The following ATP2B2 variants were observed in gnomAD, a reference collection of about 807,000 sequenced individuals.
ATP2B2 encodes the protein ATPase plasma membrane Ca2+ transporting 2, also known as plasma membrane calcium-transporting ATPase 2.
A neutral mutation model predicts 120.0 loss-of-function variants in ATP2B2; 15 were observed. The observed-to-expected ratio is 0.12, with a 90% CI of 0.08 to 0.19. ATP2B2 has a LOEUF of 0.19. ATP2B2 is among the 10% of genes least tolerant of loss of function. The probability of loss-of-function intolerance (pLI) is 1.00; values close to 1 mark genes in which losing one functional copy is unlikely to be tolerated. For synonymous variants in ATP2B2, 694 were observed against 700.3 expected, an observed-to-expected ratio of 0.99 and a Z score of 0.14; for missense variants, 1,045 against 1,719.8, an observed-to-expected ratio of 0.61 and a Z score of 6.94.
chr3:10,445,775 C>T (rs1010519396), intron 2 of ATP2B2, among the ~76,000 whole-genome samples: 8 of 152,330 alleles, frequency 5.3e-5, no homozygotes, highest in East Asian at 1.9e-4. Flanking sequence ...GCTCCCTACT[C>T]GTCAGCAGAT....
chr3:10,360,009 G>C lies in ATP2B2; in HGVS notation c.1774C>G (p.Pro592Ala), dbSNP rs1165102345. ...QDYEPVRSQM[P>A]EEKLYKVYTF... Reference sequence around the variant, plus strand: ...TACACTTTGTACAACTTCTCCTCTGGCATCTGGCTGCGCACGGGCTCGTAG... The same window carrying C: ...TACACTTTGTACAACTTCTCCTCTGCCATCTGGCTGCGCACGGGCTCGTAG... Residue 592 changes from proline to alanine, a missense_variant, in exon 13 of 23, where the codon CCA becomes GCA. Coordinates refer to ENST00000360273, the MANE Select transcript of ATP2B2 (RefSeq NM_001001331.4). The C allele has an allele frequency of 1.9e-6, 3 of 1,614,112 alleles. No individual in the cohort carries two copies. Among genetic ancestry groups the C allele is most frequent in the East Asian group, 2.2e-5 (1 of 44,892 alleles).
At chr3:10,468,530 G>A (rs575891186) in intron 1 of ATP2B2, among the ~76,000 whole-genome samples, 41 of 152,356 alleles carry the variant, frequency 2.7e-4, no homozygotes, top group African/African-American at 9.6e-4. Flanking sequence ...CTACAGCACT[G>A]TTATCTTGCT....
At chr3:10,568,458 T>C (rs911124794) in intron 2 of ATP2B2, among the ~76,000 whole-genome samples, 1 of 152,202 alleles carries the variant, frequency 6.6e-6, no homozygotes, top group Non-Finnish European at 1.5e-5. Context: ...CTCCTGAACA[T>C]GAGGCCCAGC....
At chr3:10,533,357 G>C (rs1406327446) in intron 3 of ATP2B2, among the ~76,000 whole-genome samples, 1 of 152,192 alleles carries the variant, frequency 6.6e-6, no homozygotes, top group Non-Finnish European at 1.5e-5. Context: ...TATTTAATGA[G>C]CACCTACTAT....
At chr3:10,363,979 A>G (rs934722738) in intron 12 of ATP2B2, among the ~76,000 whole-genome samples, 1 of 152,254 alleles carries the variant, frequency 6.6e-6, no homozygotes, top group Non-Finnish European at 1.5e-5. Flanking sequence ...GACACAACCA[A>G]CGTGTCCATC....
At chr3:10,622,418 A>T (rs2125626091) in intron 1 of ATP2B2, among the ~76,000 whole-genome samples, 1 of 152,150 alleles carries the variant, frequency 6.6e-6, no homozygotes, top group Non-Finnish European at 1.5e-5. Context: ...GCAGCCATGA[A>T]CTCTGCATCC....
intron 1 of ATP2B2, among the ~76,000 whole-genome samples, chr3:10,639,062 G>A (rs1204244369): frequency 6.6e-6 from 1 of 152,070 alleles, no homozygotes; most frequent in Non-Finnish European, 1.5e-5. Context: ...GAACTATTGG[G>A]GTAAACGTTT....
intron 3 of ATP2B2, among the ~76,000 whole-genome samples, chr3:10,530,170 G>A (rs2067180810): frequency 1.3e-5 from 2 of 152,212 alleles, no homozygotes; most frequent in Non-Finnish European, 2.9e-5. Flanking sequence ...AAAGGCGCCT[G>A]AGGTCCTCAC....
intron 2 of ATP2B2, among the ~76,000 whole-genome samples, chr3:10,560,359 T>G (rs2067875282): frequency 6.6e-6 from 1 of 151,922 alleles, no homozygotes; most frequent in Non-Finnish European, 1.5e-5. Context: ...TCCTGGGAGG[T>G]GCGGCCAACC....
intron 2 of ATP2B2, among the ~76,000 whole-genome samples, chr3:10,537,447 T>C (rs2067343370): frequency 6.6e-6 from 1 of 152,208 alleles, no homozygotes; most frequent in Non-Finnish European, 1.5e-5. Context: ...TTTTGAGTGA[T>C]TGTAAATGGC....
At chr3:10,359,350 C>A (rs2060830817) in intron 13 of ATP2B2, among the ~76,000 whole-genome samples, 1 of 152,124 alleles carries the variant, frequency 6.6e-6, no homozygotes. Context: ...AAACACTCCT[C>A]AGAGTGATTC....
chr3:10,649,592 A>C (rs140063059), intron 1 of ATP2B2, among the ~76,000 whole-genome samples: 1 of 152,252 alleles, frequency 6.6e-6, no homozygotes, highest in Non-Finnish European at 1.5e-5. Context: ...TCAGCTCAGG[A>C]AGGGAGGGGA....
intron 2 of ATP2B2, among the ~76,000 whole-genome samples, chr3:10,582,889 C>A (rs2068424198): frequency 6.6e-6 from 1 of 152,256 alleles, no homozygotes; most frequent in South Asian, 2.1e-4. Flanking sequence ...CATCTACCAG[C>A]AGCATAGATT....
intron 2 of ATP2B2, among the ~76,000 whole-genome samples, chr3:10,421,158 G>C (rs929368693): frequency 5.9e-5 from 9 of 152,322 alleles, no homozygotes; most frequent in Admixed American, 2.0e-4. Flanking sequence ...GCCTGAGGGA[G>C]GAGGGTGAGG....
chr3:10,492,465 G>A (rs561318104), intron 1 of ATP2B2, among the ~76,000 whole-genome samples: 126 of 152,272 alleles, frequency 8.3e-4, no homozygotes, highest in African/African-American at 2.8e-3. Flanking sequence ...TTCCTCCCTT[G>A]GAGACTCTTT....
At chr3:10,606,984 A>C (rs866355775) in intron 2 of ATP2B2, among the ~76,000 whole-genome samples, 1 of 142,176 alleles carries the variant, frequency 7.0e-6, no homozygotes, top group African/African-American at 2.7e-5. Flanking sequence ...GAGAGAAAGA[A>C]AGAGAGAGAG....
intron 8 of ATP2B2, among the ~76,000 whole-genome samples, chr3:10,381,864 T>C (rs1473761162): frequency 6.6e-6 from 1 of 152,146 alleles, no homozygotes; most frequent in African/African-American, 2.4e-5. Flanking sequence ...ATTGGGAGGA[T>C]TCCTGGTAAG....
At chr3:10,646,971 C>T (rs1377010634) in intron 1 of ATP2B2, among the ~76,000 whole-genome samples, 2 of 152,096 alleles carry the variant, frequency 1.3e-5, no homozygotes, top group Non-Finnish European at 2.9e-5. Context: ...CAGAGGTTGG[C>T]ACAGCAGGAT....
intron 22 of ATP2B2, among the ~76,000 whole-genome samples, chr3:10,333,232 G>A (rs1183458244): frequency 6.6e-6 from 1 of 152,198 alleles, no homozygotes. Flanking sequence ...ACTGGCTGCA[G>A]GTGTTTTTGC....
Sources: gnomAD v4.1 joint callset for allele counts (sites outside exome capture counted in the v4.1 genomes callset) on GRCh38, gnomAD v4.1.1 for gene constraint, MANE v1.5 for transcripts, NCBI Gene and HGNC (gene_info 2026-07-23, HGNC 2026-07-21) for gene names.